The following LIPI variants were observed in gnomAD, a reference collection of about 807,000 sequenced individuals.
The protein encoded by LIPI is lipase member I.
In LIPI, 59 loss-of-function variants were observed where a neutral mutation model predicts 50.6. That is an observed-to-expected ratio of 1.16 (90% CI 0.94 to 1.45). The LOEUF is 1.45. Among genes scored for constraint, LIPI ranks in the 40% most tolerant of loss-of-function variants. The probability of loss-of-function intolerance (pLI) is 0.00; values close to 1 mark genes in which losing one functional copy is unlikely to be tolerated. For synonymous variants in LIPI, 203 were observed against 178.2 expected (o/e 1.14, Z -1.11); for missense variants, 586 against 536.3 (o/e 1.09, Z -0.92).
chr21:14,109,029 A>G lies in LIPI; in HGVS notation c.1347T>C (p.Phe449=). Residue 449 remains phenylalanine, a synonymous_variant, in exon 10 of 10, where the codon TTT becomes TTC. Transcript: ENST00000681601. ...TTGGTGTACATGTGTTTGGATTAAG[A>G]AACACTTCCTCTCTGTCTTTAAGTA... ...NIVLKDREEV[F]LNPNTCTPKN... is the part of the protein sequence containing the mutation. The G allele has an allele frequency of 6.2e-7, 1 of 1,602,708 alleles. No homozygotes were observed. The highest frequency in any genetic ancestry group is 8.5e-7 in the Non-Finnish European group (1 of 1,169,960).
intron 9 of LIPI, among the ~76,000 whole-genome samples, chr21:14,140,285 G>A (rs2123041294): frequency 6.6e-6 from 1 of 152,200 alleles, no homozygotes; most frequent in Admixed American, 6.6e-5. Context: ...TGATGAGTGA[G>A]AAGAAAAAGA....
chr21:14,150,478 C>T (rs1455421916), intron 8 of LIPI, among the ~76,000 whole-genome samples: 1 of 152,104 alleles, frequency 6.6e-6, no homozygotes, highest in Admixed American at 6.6e-5. Flanking sequence ...CATGAGTCTC[C>T]AGTATTCTGT....
chr21:14,127,374 T>C (rs2017107024), intron 9 of LIPI, among the ~76,000 whole-genome samples: 1 of 152,166 alleles, frequency 6.6e-6, no homozygotes, highest in African/African-American at 2.4e-5. Flanking sequence ...TGTGTTAGCA[T>C]CTCCAGCCAG....
chr21:14,124,861 C>T (rs764810825), intron 9 of LIPI, among the ~76,000 whole-genome samples: 5 of 152,060 alleles, frequency 3.3e-5, no homozygotes, highest in Non-Finnish European at 5.9e-5. Flanking sequence ...CGTGGTGGCA[C>T]GCACATGCCT....
At chr21:14,158,637 A>G (rs2018355831) in intron 7 of LIPI, among the ~76,000 whole-genome samples, 1 of 148,652 alleles carries the variant, frequency 6.7e-6, no homozygotes, top group African/African-American at 2.4e-5. Context: ...AAATATATAT[A>G]TAGAGAGAGA....
chr21:14,180,782 T>C (rs1022878083), intron 4 of LIPI, among the ~76,000 whole-genome samples: 4 of 152,168 alleles, frequency 2.6e-5, no homozygotes, highest in African/African-American at 7.2e-5. Flanking sequence ...TATTGACATG[T>C]AGTCATGGTG....
At chr21:14,125,791 G>A (rs1229225605) in intron 9 of LIPI, among the ~76,000 whole-genome samples, 2 of 152,026 alleles carry the variant, frequency 1.3e-5, no homozygotes, top group African/African-American at 4.8e-5. Flanking sequence ...ATCTGACCTC[G>A]TGATCCGCCC....
At chr21:14,171,955 A>G (rs1224917746) in intron 4 of LIPI, among the ~76,000 whole-genome samples, 3 of 150,908 alleles carry the variant, frequency 2.0e-5, no homozygotes, top group Non-Finnish European at 3.0e-5. Flanking sequence ...GAAAATTTTC[A>G]CAACCTACTC....
chr21:14,172,877 T>G (rs936370566), intron 4 of LIPI, among the ~76,000 whole-genome samples: 1 of 151,436 alleles, frequency 6.6e-6, no homozygotes, highest in East Asian at 1.9e-4. Flanking sequence ...AATAATAAAA[T>G]AAAATAAAAA....
chr21:14,138,846 TA>T (rs1347715930), intron 9 of LIPI, among the ~76,000 whole-genome samples: 1 of 152,116 alleles, frequency 6.6e-6, no homozygotes, highest in Non-Finnish European at 1.5e-5. Flanking sequence ...AACAAACATT[TA>T]CATAACACTT....
chr21:14,180,890 G>C (rs1421397454), intron 4 of LIPI, among the ~76,000 whole-genome samples: 1 of 152,138 alleles, frequency 6.6e-6, no homozygotes, highest in Admixed American at 6.6e-5. Context: ...AGCAATCTTA[G>C]TGTCACTGCC....
chr21:14,161,741 A>G (rs2018490512), intron 7 of LIPI, among the ~76,000 whole-genome samples: 1 of 80,836 alleles, frequency 1.2e-5, no homozygotes, highest in Admixed American at 2.0e-4. Flanking sequence ...ACATTATTAT[A>G]TATTAATATA....
intron 8 of LIPI, among the ~76,000 whole-genome samples, chr21:14,149,992 A>G (rs1209481600): frequency 6.6e-6 from 1 of 152,212 alleles, no homozygotes; most frequent in Non-Finnish European, 1.5e-5. Context: ...TCCACGAGGC[A>G]GTGCCCCAGT....
At chr21:14,191,829 G>A (rs1320719884) in intron 1 of LIPI, among the ~76,000 whole-genome samples, 4 of 152,296 alleles carry the variant, frequency 2.6e-5, no homozygotes, top group East Asian at 1.9e-4. Flanking sequence ...GGGCTTGGAC[G>A]TCCTAACCTC....
At chr21:14,193,971 TG>T (rs1161999502) in intron 1 of LIPI, among the ~76,000 whole-genome samples, 2 of 152,080 alleles carry the variant, frequency 1.3e-5, no homozygotes, top group Non-Finnish European at 2.9e-5. Context: ...CAATTAAAAC[TG>T]GGCAAAGACT....
chr21:14,152,790 T>C, intron 7 of LIPI, 106 bp from the exon 8 acceptor site: 1 of 599,548 alleles, frequency 1.7e-6, no homozygotes, highest in Admixed American at 3.0e-5. Context: ...ATATGTAATC[T>C]AGGCTCATAT....
chr21:14,133,792 A>C (rs1251364168), intron 9 of LIPI, among the ~76,000 whole-genome samples: 1 of 152,264 alleles, frequency 6.6e-6, no homozygotes, highest in Non-Finnish European at 1.5e-5. Context: ...TCAGCATACA[A>C]AATTACCATA....
intron 9 of LIPI, among the ~76,000 whole-genome samples, chr21:14,132,063 C>G (rs960330075): frequency 6.6e-6 from 1 of 152,116 alleles, no homozygotes; most frequent in Non-Finnish European, 1.5e-5. Context: ...CCTTTAACAT[C>G]TTTTACTACA....
At chr21:14,191,407 T>C (rs1013903802) in intron 1 of LIPI, among the ~76,000 whole-genome samples, 2 of 148,446 alleles carry the variant, frequency 1.3e-5, no homozygotes, top group African/African-American at 5.0e-5. Flanking sequence ...AATGGAAATA[T>C]ATAAAGTAGA....
Sources: gnomAD v4.1 joint callset for allele counts (sites outside exome capture counted in the v4.1 genomes callset) on GRCh38, gnomAD v4.1.1 for gene constraint, MANE v1.5 for transcripts, NCBI Gene and HGNC (gene_info 2026-07-23, HGNC 2026-07-21) for gene names.